Variants in NCKAP5 observed in about 807,000 individuals in gnomAD.
NCKAP5 encodes the protein NCK associated protein 5.
Under a neutral mutation model 167.0 loss-of-function variants are expected in NCKAP5, and 92 were observed. The ratio of observed to expected loss-of-function variants is 0.55; its 90% CI spans 0.47 to 0.66. The LOEUF is 0.66. NCKAP5 is among the 30% of genes least tolerant of loss of function. The pLI is 0.00. For synonymous variants in NCKAP5, 891 were observed against 877.4 expected, an observed-to-expected ratio of 1.02 and a Z score of -0.27; for missense variants, 2,378 against 2,315.0, an observed-to-expected ratio of 1.03 and a Z score of -0.56.
chr2:132,725,780 T>A, intron 18 of NCKAP5, 21 bp from the exon 19 acceptor site: 1 of 1,610,244 alleles, frequency 6.2e-7, no homozygotes, highest in Non-Finnish European at 8.5e-7. Flanking sequence ...AATATGAGAC[T>A]GTTAAGATAA....
chr2:133,181,138 CTA>C (rs144837596), intron 5 of NCKAP5, among the ~76,000 whole-genome samples: 14,380 of 151,972 alleles, frequency 0.095, 784 homozygotes, highest in South Asian at 0.11. Context: ...AAAAACAACA[CTA>C]TGTGATATGG....
At chr2:133,500,790 T>C (rs944376634) in intron 3 of NCKAP5, among the ~76,000 whole-genome samples, 3 of 152,222 alleles carry the variant, frequency 2.0e-5, no homozygotes, top group African/African-American at 7.2e-5. Context: ...GATAGTGATG[T>C]ACTTGTGACA....
intron 5 of NCKAP5, among the ~76,000 whole-genome samples, chr2:133,158,066 T>G (rs955020097): frequency 6.6e-6 from 1 of 152,160 alleles, no homozygotes; most frequent in Non-Finnish European, 1.5e-5. Flanking sequence ...TGAAAGAGGA[T>G]ATGGGTAGCC....
chr2:133,546,173 G>A (rs1686653106), intron 2 of NCKAP5, among the ~76,000 whole-genome samples: 1 of 151,020 alleles, frequency 6.6e-6, no homozygotes, highest in African/African-American at 2.4e-5. Flanking sequence ...GCTGAGCTCA[G>A]ATCTTCAGAT....
At chr2:133,111,228 GGTGAATT>G (rs1245152781) in intron 6 of NCKAP5, among the ~76,000 whole-genome samples, 1 of 152,100 alleles carries the variant, frequency 6.6e-6, no homozygotes, top group Non-Finnish European at 1.5e-5. Flanking sequence ...TTTAAGTGAA[GGTGAATT>G]TGTGATTATT....
In NCKAP5 at chr2:133,155,599, A is replaced by G. The variant is rs537877966; in HGVS notation, c.208-25488T>C. ...CCACCAGTACCCAGATATTTGGCCA[A>G]ACATTATTCTAGATGTTTCTATGCA... On this transcript the variant is annotated intron_variant, in intron 5 of 19. Transcript: ENST00000409261. Among the ~76,000 whole-genome samples, 150 of 152,324 alleles carry G rather than the reference A, an allele frequency of 9.8e-4. 1 individual carries two copies. The highest frequency in any genetic ancestry group is 2.1e-3 in the Admixed American group (32 of 15,302).
intron 6 of NCKAP5, among the ~76,000 whole-genome samples, chr2:133,105,489 T>C (rs2081653904): frequency 6.6e-6 from 1 of 152,212 alleles, no homozygotes; most frequent in Non-Finnish European, 1.5e-5. Flanking sequence ...CATGGGAGAA[T>C]TTCCTCTCTC....
chr2:133,504,272 C>T (rs1171017930), intron 3 of NCKAP5, among the ~76,000 whole-genome samples: 1 of 149,590 alleles, frequency 6.7e-6, no homozygotes, highest in East Asian at 2.0e-4. Context: ...TGGGTTTACA[C>T]CAATAGAATC....
At chr2:132,790,948 A>T (rs1005574312) in intron 12 of NCKAP5, among the ~76,000 whole-genome samples, 1 of 152,078 alleles carries the variant, frequency 6.6e-6, no homozygotes, top group Non-Finnish European at 1.5e-5. Flanking sequence ...TCAAAACATG[A>T]CTCGAATGCT....
At chr2:132,916,542 C>T (rs748935708) in intron 8 of NCKAP5, among the ~76,000 whole-genome samples, 6 of 151,920 alleles carry the variant, frequency 3.9e-5, no homozygotes, top group Non-Finnish European at 8.8e-5. Flanking sequence ...GTGTAGATGC[C>T]AAAAAGAATG....
intron 11 of NCKAP5, among the ~76,000 whole-genome samples, chr2:132,811,457 G>C (rs1685858457): frequency 6.6e-6 from 1 of 152,122 alleles, no homozygotes; most frequent in Non-Finnish European, 1.5e-5. Flanking sequence ...TGCTGTAGGA[G>C]ATGGGGGTGA....
chr2:132,900,241 G>C (rs772520780), intron 8 of NCKAP5, among the ~76,000 whole-genome samples: 2 of 152,120 alleles, frequency 1.3e-5, no homozygotes, highest in Non-Finnish European at 2.9e-5. Flanking sequence ...GTGAAAAGGA[G>C]ACACAAAGTG....
At chr2:133,066,039 G>A (rs1433327829) in intron 6 of NCKAP5, among the ~76,000 whole-genome samples, 1 of 152,146 alleles carries the variant, frequency 6.6e-6, no homozygotes, top group East Asian at 1.9e-4. Flanking sequence ...ATGTGTGAAT[G>A]TGCATATACT....
intron 5 of NCKAP5, among the ~76,000 whole-genome samples, chr2:133,153,775 AG>A (rs2083465099): frequency 6.8e-6 from 1 of 147,702 alleles, no homozygotes; most frequent in African/African-American, 2.5e-5. Flanking sequence ...TAATCGCCTT[AG>A]TTTAGCTGGT....
intron 4 of NCKAP5, among the ~76,000 whole-genome samples, chr2:133,253,562 C>G (rs1478980661): frequency 6.6e-6 from 1 of 152,126 alleles, no homozygotes; most frequent in Non-Finnish European, 1.5e-5. Flanking sequence ...CCCCCCGTTT[C>G]ATCATATTTA....
At chr2:132,964,218 G>T (rs1239931190) in intron 7 of NCKAP5, among the ~76,000 whole-genome samples, 1 of 152,184 alleles carries the variant, frequency 6.6e-6, no homozygotes, top group Non-Finnish European at 1.5e-5. Context: ...CATCAATTTT[G>T]ATACCTTCAT....
At chr2:132,848,285 T>A (rs919817466) in intron 11 of NCKAP5, among the ~76,000 whole-genome samples, 6 of 152,234 alleles carry the variant, frequency 3.9e-5, no homozygotes, top group African/African-American at 1.4e-4. Flanking sequence ...AACATTGTAA[T>A]GAGAAGACAG....
At chr2:132,975,121 A>G (rs1307099896) in intron 7 of NCKAP5, among the ~76,000 whole-genome samples, 1 of 152,224 alleles carries the variant, frequency 6.6e-6, no homozygotes, top group Non-Finnish European at 1.5e-5. Context: ...TTAAAGAGGG[A>G]AAAATAGCGT....
chr2:133,616,207 C>G, the NCKAP5 span, among the ~76,000 whole-genome samples: 1 of 147,972 alleles, frequency 6.8e-6, no homozygotes, highest in Admixed American at 6.7e-5. Flanking sequence ...CAGGAAAGAT[C>G]CAAAATTGAC....
Sources: allele counts gnomAD v4.1 joint callset (sites outside exome capture counted in the v4.1 genomes callset), GRCh38; gene constraint gnomAD v4.1.1; transcripts MANE v1.5; gene names NCBI Gene and HGNC (gene_info 2026-07-23, HGNC 2026-07-21).